TMLHE: variants seen among roughly 807,000 people sequenced by gnomAD.
The protein encoded by TMLHE is trimethyllysine dioxygenase, mitochondrial.
In TMLHE, 18 loss-of-function variants were observed where a neutral mutation model predicts 25.7. That is an observed-to-expected ratio of 0.70 (90% CI 0.48 to 1.04). The LOEUF (loss-of-function observed/expected upper bound fraction) is 1.04, where lower values mean the gene tolerates loss of function less well. Among genes scored for constraint, TMLHE ranks in the 50% least tolerant of loss-of-function variants. The pLI, the probability that TMLHE is intolerant of heterozygous loss-of-function variation, is 0.00. For missense variants in TMLHE, 236 were observed against 259.0 expected (o/e 0.91, Z 0.61); for synonymous variants, 105 against 97.0 (o/e 1.08, Z -0.49).
At chrX:155,586,576 A>G (rs148629271) in intron 1 of TMLHE, among the ~76,000 whole-genome samples, 2,281 of 111,928 alleles carry the variant, frequency 0.02, 25 homozygotes, top group South Asian at 0.037. Context: ...AACAAAATGA[A>G]AATTTGGTTT....
intron 6 of TMLHE, 40 bp downstream of exon 6, chrX:155,506,858 G>A (rs782769842): frequency 9.0e-7 from 1 of 1,115,636 alleles, no homozygotes; most frequent in South Asian, 1.9e-5. Context: ...CTAATCTTTG[G>A]CAAATATATT....
At chrX:155,529,674 T>C (rs1440505105) in intron 2 of TMLHE, among the ~76,000 whole-genome samples, 1 of 112,292 alleles carries the variant, frequency 8.9e-6, no homozygotes, top group Non-Finnish European at 1.9e-5. Context: ...TTCAGATCCA[T>C]TGACCATTTT....
chrX:155,548,736 A>G (rs1001021731), intron 1 of TMLHE, among the ~76,000 whole-genome samples: 12 of 107,074 alleles, frequency 1.1e-4, no homozygotes, highest in Non-Finnish European at 2.3e-4. Flanking sequence ...CTCTGTCTCA[A>G]AAAAAAAAAA....
chrX:155,591,676 T>C (rs190814847), intron 1 of TMLHE, among the ~76,000 whole-genome samples: 1,848 of 111,866 alleles, frequency 0.017, 98 homozygotes, highest in Admixed American at 0.14. Context: ...AGAATGGCTA[T>C]TATCAAAAAG....
chrX:155,549,496 C>T (rs1220365049), intron 1 of TMLHE, among the ~76,000 whole-genome samples: 1 of 110,070 alleles, frequency 9.1e-6, no homozygotes, highest in Non-Finnish European at 1.9e-5. Flanking sequence ...TGGCTTGTTG[C>T]TTTATTCTAG....
In TMLHE at chrX:155,560,922, A is replaced by G. The variant is rs1557341753; in HGVS notation, c.-1-15645T>C. On this transcript the variant is annotated intron_variant, in intron 1 of 7. Coordinates refer to ENST00000334398, the MANE Select transcript of TMLHE (RefSeq NM_018196.4). ...GTTCTGGCTGTTGTATTGAGAATAAACTGTAAACAGGCCAAGGAAAGGAGG... is the reference window on the plus strand; with the variant it reads ...GTTCTGGCTGTTGTATTGAGAATAAGCTGTAAACAGGCCAAGGAAAGGAGG... Among the ~76,000 whole-genome samples the G allele has an allele frequency of 3.2e-5, 2 of 61,584 alleles. 1 individual carries two copies. 53.5% of individuals were successfully genotyped at this position (61,584 alleles called of 115,157 possible). A position where few individuals can be genotyped will look rare whatever the true frequency, so the allele number is the denominator to read the frequency against.
intron 1 of TMLHE, among the ~76,000 whole-genome samples, chrX:155,585,202 C>A (rs989430697): frequency 5.4e-5 from 6 of 111,489 alleles, no homozygotes; most frequent in Non-Finnish European, 1.1e-4. Flanking sequence ...CATGGTCCAA[C>A]TGTATGCTGC....
intron 2 of TMLHE, among the ~76,000 whole-genome samples, chrX:155,539,455 A>G (rs1557337959): frequency 9.0e-6 from 1 of 111,613 alleles, no homozygotes; most frequent in African/African-American, 3.3e-5. Context: ...CTCTTCAACT[A>G]GATGATTATA....
In TMLHE at chrX:155,549,812, G is replaced by C. The variant is rs1213644989; in HGVS notation, c.-1-4535C>G. Among the ~76,000 whole-genome samples, 8 of 109,316 alleles carry C rather than the reference G, an allele frequency of 7.3e-5. 1 individual carries two copies. Among genetic ancestry groups the C allele is most frequent in the Non-Finnish European group, 1.1e-4 (6 of 52,652 alleles). 94.9% of individuals were successfully genotyped at this position (109,316 alleles called of 115,157 possible). On this transcript the variant is annotated intron_variant, in intron 1 of 7. Transcript: ENST00000334398. ...TTACATAGGTATACAAACCATGGTG[G>C]TTTGCTGCACCCATAAACCCGTCAC...
intron 1 of TMLHE, among the ~76,000 whole-genome samples, chrX:155,575,899 T>C (rs1603079074): frequency 1.8e-5 from 2 of 111,919 alleles, no homozygotes; most frequent in Admixed American, 1.9e-4. Flanking sequence ...TCATACTGAA[T>C]GAGCAAAAGC....
intron 3 of TMLHE, among the ~76,000 whole-genome samples, chrX:155,521,973 A>C (rs1423144374): frequency 1.9e-5 from 2 of 105,280 alleles, no homozygotes; most frequent in East Asian, 6.1e-4. Context: ...TGCAGAAATC[A>C]CCCGTCTTCT....
intron 5 of TMLHE, among the ~76,000 whole-genome samples, chrX:155,510,256 T>TATTTTA (rs1479108078): frequency 9.2e-6 from 1 of 109,049 alleles, no homozygotes; most frequent in Non-Finnish European, 1.9e-5. Flanking sequence ...TATTTTATTT[T>TATTTTA]ATTTTATTAT....
At chrX:155,548,572 A>G (rs1214289680) in intron 1 of TMLHE, among the ~76,000 whole-genome samples, 1 of 103,497 alleles carries the variant, frequency 9.7e-6, no homozygotes, top group Non-Finnish European at 2.0e-5. Context: ...TGTCTCTACT[A>G]AAAAATACAA....
chrX:155,525,986 G>A (rs1173601390), intron 2 of TMLHE, among the ~76,000 whole-genome samples: 1 of 112,932 alleles, frequency 8.9e-6, no homozygotes, highest in East Asian at 2.8e-4. Flanking sequence ...AGTATGAAAG[G>A]TTGTAAAATG....
chrX:155,582,802 C>T lies in TMLHE; in HGVS notation c.-2+29990G>A, dbSNP rs1227237313. On this transcript the variant is annotated intron_variant, in intron 1 of 7. Transcript: ENST00000334398. The stretch of plus-strand genomic sequence containing the variant: ...ATCTAGAACTAGAAATACCATTTGA[C>T]CCAGCCATCCCATTACTGGGTATAT... 3.6e-5 allele frequency among the ~76,000 whole-genome samples: 4 copies of T among 112,063 alleles called. No homozygotes were observed. The South Asian group carries it at 1.5e-3, about 42-fold the overall frequency.
intron 1 of TMLHE, among the ~76,000 whole-genome samples, chrX:155,590,320 A>C (rs1381619112): frequency 1.8e-5 from 2 of 112,108 alleles, no homozygotes; most frequent in Non-Finnish European, 3.8e-5. Context: ...GTGTGGATAA[A>C]ATAGACCTAT....
chrX:155,535,930 C>T (rs1375817426), intron 2 of TMLHE, among the ~76,000 whole-genome samples: 1 of 111,670 alleles, frequency 9.0e-6, no homozygotes, highest in Non-Finnish European at 1.9e-5. Flanking sequence ...TGTAGCAGTC[C>T]ATATAGGCCA....
At chrX:155,581,914 C>A (rs782580066) in intron 1 of TMLHE, among the ~76,000 whole-genome samples, 29 of 112,183 alleles carry the variant, frequency 2.6e-4, no homozygotes, top group African/African-American at 7.8e-4. Context: ...TGCTACCTGA[C>A]TTCAAACTAT....
intron 1 of TMLHE, among the ~76,000 whole-genome samples, chrX:155,555,242 G>T (rs1557340588): frequency 1.8e-5 from 2 of 110,631 alleles, no homozygotes; most frequent in Non-Finnish European, 3.8e-5. Flanking sequence ...ATTCCATGGT[G>T]TATATGTACC....
Sources: allele counts gnomAD v4.1 joint callset (sites outside exome capture counted in the v4.1 genomes callset), GRCh38; gene constraint gnomAD v4.1.1; transcripts MANE v1.5; gene names NCBI Gene and HGNC (gene_info 2026-07-23, HGNC 2026-07-21).